Variants in PLAA observed in about 807,000 individuals in gnomAD.
The protein encoded by PLAA is phospholipase A-2-activating protein.
Under a neutral mutation model 84.1 loss-of-function variants are expected in PLAA, and 48 were observed. The observed-to-expected ratio is 0.57, with a 90% CI of 0.45 to 0.73. The LOEUF (loss-of-function observed/expected upper bound fraction) is 0.73, where lower values mean the gene tolerates loss of function less well. Ranked by LOEUF, PLAA falls within the 30% of genes least tolerant of loss-of-function variation. PLAA has a pLI of 0.00. For missense variants in PLAA, 903 were observed against 954.7 expected (o/e 0.95, Z 0.71); for synonymous variants, 392 against 336.6 (o/e 1.16, Z -1.80).
At chr9:26,926,873 G>A (rs1824985643) in intron 4 of PLAA, among the ~76,000 whole-genome samples, 1 of 151,426 alleles carries the variant, frequency 6.6e-6, no homozygotes, top group South Asian at 2.1e-4. Flanking sequence ...TCCCCAACAA[G>A]AGTAATTTAT....
intron 2 of PLAA, among the ~76,000 whole-genome samples, chr9:26,930,116 T>A (rs1388213364): frequency 6.6e-6 from 1 of 150,750 alleles, no homozygotes; most frequent in East Asian, 1.9e-4. Flanking sequence ...ATTTTTTTTT[T>A]TTTTTTGAGA....
intron 4 of PLAA, among the ~76,000 whole-genome samples, chr9:26,927,181 C>A (rs1825002294): frequency 7.0e-6 from 1 of 143,632 alleles, no homozygotes; most frequent in Admixed American, 7.4e-5. Flanking sequence ...AGTGCACTGG[C>A]ACTACCTCTG....
intron 8 of PLAA, 99 bp from the exon 9 acceptor site, chr9:26,919,628 A>G (rs1824690549): frequency 1.4e-6 from 1 of 711,770 alleles, no homozygotes. Context: ...TAATAATTAC[A>G]GTACTTAAAC....
chr9:26,933,545 A>T (rs557828514), intron 2 of PLAA, among the ~76,000 whole-genome samples: 16 of 151,994 alleles, frequency 1.1e-4, no homozygotes, highest in Middle Eastern at 6.8e-3. Context: ...TCCCAGCAAT[A>T]TGGAAGGCCG....
intron 9 of PLAA, 136 bp downstream of exon 9, chr9:26,919,174 T>C (rs558355361): frequency 5.7e-6 from 3 of 528,486 alleles, no homozygotes; most frequent in Admixed American, 6.7e-5. Flanking sequence ...GGCTTAAACA[T>C]ATGAATGTGA....
intron 12 of PLAA, among the ~76,000 whole-genome samples, chr9:26,909,461 G>A (rs912202078): frequency 1.6e-4 from 24 of 151,924 alleles, no homozygotes; most frequent in African/African-American, 5.3e-4. Flanking sequence ...AGTATGTTAC[G>A]TTATGTTAAC....
intron 9 of PLAA, among the ~76,000 whole-genome samples, chr9:26,918,121 G>A (rs1158128799): frequency 1.3e-5 from 2 of 151,300 alleles, no homozygotes; most frequent in African/African-American, 4.9e-5. Flanking sequence ...AAAATTTTTT[G>A]ATTTTTTTCA....
chr9:26,909,311 T>G (rs1824328320), intron 12 of PLAA, among the ~76,000 whole-genome samples: 1 of 152,218 alleles, frequency 6.6e-6, no homozygotes, highest in South Asian at 2.1e-4. Flanking sequence ...TCTAAATACC[T>G]GTTAGATTTT....
At chr9:26,942,759 A>G (rs1222705252) in intron 1 of PLAA, among the ~76,000 whole-genome samples, 4 of 151,732 alleles carry the variant, frequency 2.6e-5, no homozygotes, top group Admixed American at 6.6e-5. Flanking sequence ...GCGGGCGCCT[A>G]AAGTCCCAGC....
intron 7 of PLAA, among the ~76,000 whole-genome samples, chr9:26,920,900 C>T (rs966542233): frequency 3.9e-5 from 6 of 152,114 alleles, no homozygotes; most frequent in Admixed American, 6.5e-5. Context: ...GTTGATTCAA[C>T]GGCCTCTTTC....
chr9:26,920,378 C>G lies in PLAA; in HGVS notation c.1046G>C (p.Arg349Thr). 1 of 1,585,204 alleles carries G rather than the reference C, an allele frequency of 6.3e-7. No individual in the cohort carries two copies. The highest frequency in any genetic ancestry group is 8.6e-7 in the Non-Finnish European group (1 of 1,164,946). The change falls in exon 8 of 14, where the codon AGA becomes ACA. Residue 349 changes from arginine to threonine, a missense_variant. Physicochemically the swap from Arg to Thr is moderately conservative, Grantham distance 71. Transcript: ENST00000397292. Reference sequence around the variant, plus strand: ...TCTGATTAGACGAGTCTGTCCTTCTCTAGTACCTTAAAATAAAAATTTTAA... The same window carrying G: ...TCTGATTAGACGAGTCTGTCCTTCTGTAGTACCTTAAAATAAAAATTTTAA... ...GREHLNEPGTREGQTRLIRDG... is the reference protein window; with the variant it reads ...GREHLNEPGTTEGQTRLIRDG...
rs1308975928 is a variant in PLAA, at chr9:26,913,596, T to C, written c.1555+283A>G. 2.6e-5 allele frequency among the ~76,000 whole-genome samples: 4 copies of C among 152,134 alleles called. No homozygotes were observed. In the East Asian group the frequency reaches 7.7e-4, roughly 29 times the overall value. On this transcript the variant is annotated intron_variant, in intron 11 of 13. Coordinates refer to ENST00000397292, the MANE Select transcript of PLAA (RefSeq NM_001031689.3). ...ATATTAGAATCACATTGGAAGATTATAAAACTACCCTTTGCCAAGCCCCCA... is the reference window on the plus strand; with the variant it reads ...ATATTAGAATCACATTGGAAGATTACAAAACTACCCTTTGCCAAGCCCCCA...
chr9:26,914,754 A>T (rs144569079), intron 10 of PLAA, among the ~76,000 whole-genome samples: 1 of 152,350 alleles, frequency 6.6e-6, no homozygotes, highest in Non-Finnish European at 1.5e-5. Flanking sequence ...TAACTTGCCC[A>T]AGGCATTAAG....
rs1197562330 is a variant in PLAA, at chr9:26,926,471, T to C, written c.655A>G (p.Ile219Val). Reference sequence around the variant, plus strand: ...TATACTTCAAGACACTCGCCAGTGATTTGCCACCTTCTAATACTAGCATCA... The same window carrying C: ...TATACTTCAAGACACTCGCCAGTGACTTGCCACCTTCTAATACTAGCATCA... ...ANDASIRRWQ[I>V]TGECLEVYYG... is the part of the protein sequence containing the mutation. The change falls in exon 5 of 14, where the codon ATC becomes GTC. Residue 219 changes from isoleucine (I) to valine (V), a missense_variant. By Grantham distance (29) the Ile-to-Val change is conservative. Transcript: ENST00000397292. The C allele has an allele frequency of 9.3e-6, 15 of 1,612,840 alleles. No homozygotes were observed. Among genetic ancestry groups the C allele is most frequent in the Non-Finnish European group, 1.3e-5 (15 of 1,178,960 alleles).
intron 1 of PLAA, among the ~76,000 whole-genome samples, chr9:26,943,863 G>C (rs1195157703): frequency 6.6e-6 from 1 of 152,072 alleles, no homozygotes; most frequent in East Asian, 1.9e-4. Flanking sequence ...TGAGGTGGGA[G>C]GATTGTTTGA....
At chr9:26,937,780 TGAA>T (rs1443944808) in intron 1 of PLAA, among the ~76,000 whole-genome samples, 2 of 151,386 alleles carry the variant, frequency 1.3e-5, no homozygotes, top group Non-Finnish European at 2.9e-5. Flanking sequence ...CTAGACAACT[TGAA>T]GACAGATTCA....
At chr9:26,920,456 T>C in intron 7 of PLAA, 72 bp from the exon 8 acceptor site, 2 of 973,332 alleles carry the variant, frequency 2.1e-6, no homozygotes, top group Non-Finnish European at 3.0e-6. Flanking sequence ...AATAGAAAAT[T>C]CTTAACATTA....
chr9:26,918,398 G>A (rs549608796), intron 9 of PLAA, among the ~76,000 whole-genome samples: 126 of 151,548 alleles, frequency 8.3e-4, no homozygotes, highest in African/African-American at 2.9e-3. Flanking sequence ...AAAGTGCTGG[G>A]ATTACAGGCG....
intron 1 of PLAA, among the ~76,000 whole-genome samples, chr9:26,941,773 A>G (rs1048123531): frequency 9.3e-5 from 14 of 150,160 alleles, no homozygotes; most frequent in African/African-American, 3.2e-4. Flanking sequence ...AAAAAAAAAG[A>G]GAGAAATTTA....
Sources: allele counts gnomAD v4.1 joint callset (sites outside exome capture counted in the v4.1 genomes callset), GRCh38; gene constraint gnomAD v4.1.1; transcripts MANE v1.5; gene names NCBI Gene and HGNC (gene_info 2026-07-23, HGNC 2026-07-21).